CDK19: variants seen among roughly 807,000 people sequenced by gnomAD.
CDK19 encodes cyclin dependent kinase 19.
Under a neutral mutation model 68.3 loss-of-function variants are expected in CDK19, and 20 were observed. The observed-to-expected ratio is 0.29, with a 90% CI of 0.21 to 0.43. The LOEUF (loss-of-function observed/expected upper bound fraction) is 0.43, where lower values mean the gene tolerates loss of function less well. Ranked by LOEUF, CDK19 falls within the 20% of genes least tolerant of loss-of-function variation. The pLI is 1.00. For missense variants in CDK19, 339 were observed against 623.5 expected (o/e 0.54, Z 4.86); for synonymous variants, 221 against 222.8 (o/e 0.99, Z 0.07).
intron 5 of CDK19, among the ~76,000 whole-genome samples, chr6:110,635,696 C>G (rs1056639899): frequency 6.6e-6 from 1 of 152,100 alleles, no homozygotes; most frequent in Non-Finnish European, 1.5e-5. Flanking sequence ...CGCACCACCA[C>G]GCCCAGCTAA....
intron 6 of CDK19, among the ~76,000 whole-genome samples, chr6:110,630,971 C>T (rs1779402623): frequency 6.6e-6 from 1 of 152,130 alleles, no homozygotes; most frequent in African/African-American, 2.4e-5. Context: ...TTTTTTAACC[C>T]ATGAGTAGGC....
chr6:110,740,270 TCAACCTAC>T (rs1470512939), intron 2 of CDK19, among the ~76,000 whole-genome samples: 2 of 152,200 alleles, frequency 1.3e-5, no homozygotes, highest in Non-Finnish European at 2.9e-5. Context: ...TACCACGTTT[TCAACCTAC>T]CAACCTTAAG....
intron 4 of CDK19, among the ~76,000 whole-genome samples, chr6:110,665,285 G>A (rs79693761): frequency 0.019 from 2,820 of 152,226 alleles, 106 homozygotes; most frequent in African/African-American, 0.065. Flanking sequence ...ATAGATGAGT[G>A]CAAGGCATAT....
At chr6:110,644,901 A>G (rs1355124262) in intron 4 of CDK19, among the ~76,000 whole-genome samples, 2 of 152,208 alleles carry the variant, frequency 1.3e-5, no homozygotes, top group Non-Finnish European at 2.9e-5. Flanking sequence ...TGATCACTAT[A>G]TAATGATACA....
At chr6:110,785,074 C>CAAAAAAAAA (rs66578190) in intron 1 of CDK19, among the ~76,000 whole-genome samples, 1 of 64,940 alleles carries the variant, frequency 1.5e-5, no homozygotes, top group Non-Finnish European at 3.6e-5. Flanking sequence ...ACTGAATTGT[C>CAAAAAAAAA]AAAAAAAAAA....
chr6:110,708,290 G>A (rs1774681620), intron 2 of CDK19, among the ~76,000 whole-genome samples: 1 of 152,078 alleles, frequency 6.6e-6, no homozygotes, highest in African/African-American at 2.4e-5. Flanking sequence ...GAATCTTGGG[G>A]CATGGCCTCC....
chr6:110,706,935 T>G (rs77992780), intron 2 of CDK19: 2,371 of 153,486 alleles, frequency 0.015, 36 homozygotes, highest in Non-Finnish European at 0.024. Context: ...CTTTGTCAAT[T>G]TGGCAAAGTG....
intron 4 of CDK19, among the ~76,000 whole-genome samples, chr6:110,652,656 G>A (rs140724380): frequency 2.0e-5 from 3 of 152,332 alleles, no homozygotes; most frequent in African/African-American, 4.8e-5. Flanking sequence ...AAGTAGTACA[G>A]GAAGGTGGTT....
chr6:110,642,068 C>T (rs867748580), intron 4 of CDK19, among the ~76,000 whole-genome samples: 1 of 151,706 alleles, frequency 6.6e-6, no homozygotes, highest in South Asian at 2.1e-4. Context: ...TTTGGGAGAC[C>T]GAGGCGGGTG....
At chr6:110,799,985 A>C (rs802682) in intron 1 of CDK19, among the ~76,000 whole-genome samples, 23,773 of 152,072 alleles carry the variant, frequency 0.16, 2,075 homozygotes, top group East Asian at 0.32. Context: ...TAAAGATTAC[A>C]TTTCCTTCTC....
At chr6:110,806,339 T>A (rs1405226460) in intron 1 of CDK19, among the ~76,000 whole-genome samples, 5 of 93,926 alleles carry the variant, frequency 5.3e-5, no homozygotes, top group Non-Finnish European at 1.1e-4. Flanking sequence ...AAACTCCATC[T>A]CAAAAAAAAA....
In CDK19 at chr6:110,737,836, A is replaced by G. The variant is rs977458010; in HGVS notation, c.204+8290T>C. On this transcript the variant is annotated intron_variant, in intron 2 of 12. Transcript: ENST00000368911. Reference sequence around the variant, plus strand: ...TATATTGCAAGGAAAAAAAACCCACATTTTTCATAAGGAAATATCCATGCT... The same window carrying G: ...TATATTGCAAGGAAAAAAAACCCACGTTTTTCATAAGGAAATATCCATGCT... Among the ~76,000 whole-genome samples the G allele has an allele frequency of 3.3e-5, 5 of 152,136 alleles. No individual in the cohort carries two copies. The East Asian group carries it at 7.7e-4, about 23-fold the overall frequency.
chr6:110,672,740 C>T (rs1408258301), intron 2 of CDK19, among the ~76,000 whole-genome samples: 2 of 152,116 alleles, frequency 1.3e-5, no homozygotes, highest in African/African-American at 4.8e-5. Flanking sequence ...CTTACTCTAT[C>T]TTGGAAATCT....
chr6:110,691,781 G>A (rs888552760), intron 2 of CDK19, among the ~76,000 whole-genome samples: 3 of 151,022 alleles, frequency 2.0e-5, no homozygotes, highest in Admixed American at 1.3e-4. Flanking sequence ...CTGAGTAGCT[G>A]GGATTACAGG....
rs574110939 is a variant in CDK19, at chr6:110,743,998, A to G, written c.204+2128T>C. 9.5e-5 allele frequency among the ~76,000 whole-genome samples: 14 copies of G among 146,980 alleles called. 1 individual carries two copies. The South Asian group carries it at 3.0e-3, about 31-fold the overall frequency. On this transcript the variant is annotated intron_variant, in intron 2 of 12. Coordinates refer to ENST00000368911, the MANE Select transcript of CDK19 (RefSeq NM_015076.5). ...AATGCTTATCTGGTAAAACATTACA[A>G]ATACCTCCCCACGTTTTTTTTTTTT...
chr6:110,623,352 T>A lies in CDK19; in HGVS notation c.871A>T (p.Ser291Cys). The change falls in exon 9 of 13, where the codon AGT becomes TGT. Residue 291 changes from serine (S) to cysteine (C), a missense_variant. This residue lies in a region of CDK19 where 63 missense variants were observed against 156.5 expected (regional missense o/e 0.40). Transcript: ENST00000368911. ...KDFRRTTYAN[S>C]SLIKYMEKHK... Reference sequence around the variant, plus strand: ...TTCTCCATGTACTTTATGAGGCTACTGTTGGCATACCTGCAAGGACACGCA... The same window carrying A: ...TTCTCCATGTACTTTATGAGGCTACAGTTGGCATACCTGCAAGGACACGCA... 1 of 1,613,892 alleles carries A rather than the reference T, an allele frequency of 6.2e-7. No individual in the cohort carries two copies. Among genetic ancestry groups the A allele is most frequent in the Non-Finnish European group, 8.5e-7 (1 of 1,179,822 alleles).
At chr6:110,738,999 T>C (rs1301109364) in intron 2 of CDK19, among the ~76,000 whole-genome samples, 1 of 152,202 alleles carries the variant, frequency 6.6e-6, no homozygotes, top group African/African-American at 2.4e-5. Flanking sequence ...TTGATGGATA[T>C]ATACACTGAG....
chr6:110,652,752 GAC>G (rs1781052736), intron 4 of CDK19, among the ~76,000 whole-genome samples: 1 of 152,224 alleles, frequency 6.6e-6, no homozygotes, highest in South Asian at 2.1e-4. Flanking sequence ...ATGGAATGAA[GAC>G]ACAGAGAGAG....
At chr6:110,635,571 G>C (rs2114732498) in intron 5 of CDK19, among the ~76,000 whole-genome samples, 1 of 152,158 alleles carries the variant, frequency 6.6e-6, no homozygotes, top group East Asian at 1.9e-4. Flanking sequence ...ATGGAGTCTT[G>C]CTCTGTCGCC....
Sources: gnomAD v4.1 joint callset for allele counts (sites outside exome capture counted in the v4.1 genomes callset) on GRCh38, gnomAD v4.1.1 for gene constraint, gnomAD v4.1.1 regional missense constraint, MANE v1.5 for transcripts, NCBI Gene and HGNC (gene_info 2026-07-23, HGNC 2026-07-21) for gene names.